The following RALYL variants were observed in gnomAD, a reference collection of about 807,000 sequenced individuals.
RALYL encodes RALY RNA binding protein like.
RALYL carries 29 observed loss-of-function variants against 35.1 expected under a neutral mutation model. The observed-to-expected ratio is 0.83, with a 90% CI of 0.61 to 1.13. The LOEUF is 1.13. Ranked by LOEUF, RALYL falls within the 50% of genes most tolerant of loss-of-function variation. RALYL has a pLI of 0.00. For synonymous variants in RALYL, 120 were observed against 127.6 expected, an observed-to-expected ratio of 0.94 and a Z score of 0.40; for missense variants, 359 against 360.4, an observed-to-expected ratio of 1.00 and a Z score of 0.03.
intron 1 of RALYL, among the ~76,000 whole-genome samples, chr8:84,435,910 G>T (rs975978436): frequency 6.6e-6 from 1 of 152,118 alleles, no homozygotes; most frequent in Non-Finnish European, 1.5e-5. Context: ...GGATAGAAAG[G>T]ATGCTTTCTT....
intron 1 of RALYL, among the ~76,000 whole-genome samples, chr8:84,433,325 G>A (rs529560721): frequency 7.2e-5 from 11 of 152,002 alleles, no homozygotes; most frequent in Non-Finnish European, 8.8e-5. Flanking sequence ...TTGCCTTGTA[G>A]TATTTATTTT....
chr8:84,496,026 A>G (rs1255108172), intron 1 of RALYL, among the ~76,000 whole-genome samples: 1 of 152,160 alleles, frequency 6.6e-6, no homozygotes, highest in East Asian at 1.9e-4. Flanking sequence ...TATTTAAGAT[A>G]ATAAGTGAAA....
Position 84,914,708 on chromosome 8 carries a change from C to T in RALYL, c.859-6186C>T, listed in dbSNP as rs1339285015. ...TAAAAGGTCTTTTTCAGAGAAATGC[C>T]AAAAGCACGTTCTTAATTAAAATGA... On this transcript the variant is annotated intron_variant, in intron 8 of 8. Transcript: ENST00000521268. 2.0e-5 allele frequency among the ~76,000 whole-genome samples: 3 copies of T among 151,620 alleles called. No individual in the cohort carries two copies. In the East Asian group the frequency reaches 5.8e-4, roughly 29 times the overall value.
intron 1 of RALYL, among the ~76,000 whole-genome samples, chr8:84,333,274 A>T (rs928162900): frequency 1.3e-5 from 2 of 152,120 alleles, no homozygotes; most frequent in African/African-American, 4.8e-5. Context: ...TATCATTGAG[A>T]TAATGATGAA....
intron 1 of RALYL, among the ~76,000 whole-genome samples, chr8:84,185,537 C>A (rs1812312984): frequency 6.6e-6 from 1 of 152,026 alleles, no homozygotes; most frequent in Non-Finnish European, 1.5e-5. Flanking sequence ...GTGACCGAAT[C>A]TGCTGGAAAT....
At chr8:84,867,602 G>A (rs1024743261) in intron 6 of RALYL, among the ~76,000 whole-genome samples, 2 of 152,150 alleles carry the variant, frequency 1.3e-5, no homozygotes, top group African/African-American at 2.4e-5. Flanking sequence ...TCAGTATGAC[G>A]TGTATTTTCA....
At chr8:84,848,472 G>A (rs1835134277) in intron 4 of RALYL, among the ~76,000 whole-genome samples, 1 of 150,934 alleles carries the variant, frequency 6.6e-6, no homozygotes, top group African/African-American at 2.4e-5. Context: ...TCATCCCAAT[G>A]GAATATTGTT....
intron 3 of RALYL, among the ~76,000 whole-genome samples, chr8:84,794,100 G>A (rs1184687145): frequency 6.6e-6 from 1 of 152,182 alleles, no homozygotes; most frequent in Admixed American, 6.5e-5. Flanking sequence ...ATGGGGGGCA[G>A]CAGGGAGATA....
intron 2 of RALYL, among the ~76,000 whole-genome samples, chr8:84,719,974 G>A (rs914657400): frequency 2.9e-4 from 44 of 151,922 alleles, no homozygotes; most frequent in Admixed American, 6.6e-5. Flanking sequence ...CTACTTCAAT[G>A]AGACCAGCAT....
intron 2 of RALYL, among the ~76,000 whole-genome samples, chr8:84,766,294 T>TC (rs1248961398): frequency 6.6e-6 from 1 of 152,092 alleles, no homozygotes; most frequent in Non-Finnish European, 1.5e-5. Flanking sequence ...TGCAAGTGAA[T>TC]CTTTTTTTGC....
intron 2 of RALYL, among the ~76,000 whole-genome samples, chr8:84,700,443 T>G (rs778734236): frequency 2.0e-5 from 3 of 152,120 alleles, no homozygotes; most frequent in Non-Finnish European, 2.9e-5. Flanking sequence ...TGAAAGTCTC[T>G]TCCAGATACA....
intron 2 of RALYL, among the ~76,000 whole-genome samples, chr8:84,624,069 T>C (rs1822175636): frequency 6.6e-6 from 1 of 152,186 alleles, no homozygotes; most frequent in Admixed American, 6.5e-5. Flanking sequence ...TCTTTAGAGA[T>C]CATCATATTC....
chr8:84,563,277 A>AAATAAGCT (rs2061575878), intron 2 of RALYL, among the ~76,000 whole-genome samples: 1 of 151,876 alleles, frequency 6.6e-6, no homozygotes, highest in Non-Finnish European at 1.5e-5. Flanking sequence ...TTCTCATGAA[A>AAATAAGCT]CATAAGCTCA....
At chr8:84,655,069 A>T (rs1387494004) in intron 2 of RALYL, among the ~76,000 whole-genome samples, 2 of 152,036 alleles carry the variant, frequency 1.3e-5, no homozygotes, top group Non-Finnish European at 2.9e-5. Flanking sequence ...CAGTGCACGA[A>T]GTTTTCCTTT....
chr8:84,773,530 A>G (rs993814888), intron 2 of RALYL, among the ~76,000 whole-genome samples: 1 of 152,138 alleles, frequency 6.6e-6, no homozygotes, highest in Non-Finnish European at 1.5e-5. Context: ...ATTTCTTAAC[A>G]GTTTTACATA....
rs115732600 is a variant in RALYL, at chr8:84,273,332, C to A, written c.-24+88908C>A. Among the ~76,000 whole-genome samples, 630 of 152,328 alleles carry A rather than the reference C, an allele frequency of 4.1e-3. 7 individuals are homozygous for A. Among genetic ancestry groups the A allele is most frequent in the African/African-American group, 0.014 (585 of 41,592 alleles). On this transcript the variant is annotated intron_variant, in intron 1 of 8. Transcript: ENST00000521268. ...GCCTCAGGTCCTCTCTGGCTTTGGG[C>A]CAGGTACTCGCCACATGGGCCTCTC...
intron 1 of RALYL, among the ~76,000 whole-genome samples, chr8:84,385,877 T>A (rs986348663): frequency 6.6e-6 from 1 of 151,830 alleles, no homozygotes; most frequent in Non-Finnish European, 1.5e-5. Context: ...CCATGCTTCA[T>A]CTCCAGGATG....
intron 1 of RALYL, among the ~76,000 whole-genome samples, chr8:84,228,145 A>G (rs1824400807): frequency 1.6e-5 from 2 of 126,518 alleles, no homozygotes; most frequent in African/African-American, 6.7e-5. Context: ...GACATAAAGA[A>G]TAGTCTAGCA....
At chr8:84,749,065 T>C (rs192866909) in intron 2 of RALYL, among the ~76,000 whole-genome samples, 31 of 152,216 alleles carry the variant, frequency 2.0e-4, no homozygotes, top group Non-Finnish European at 3.7e-4. Context: ...AGTTAACCTC[T>C]CTGTTGTCAA....
Sources: allele counts gnomAD v4.1 joint callset (sites outside exome capture counted in the v4.1 genomes callset), GRCh38; gene constraint gnomAD v4.1.1; transcripts MANE v1.5; gene names NCBI Gene and HGNC (gene_info 2026-07-23, HGNC 2026-07-21).